MNAT1: variants seen among roughly 807,000 people sequenced by gnomAD.
MNAT1 encodes MNAT1 component of CDK activating kinase, also known as CDK-activating kinase assembly factor MAT1.
In MNAT1, 43 loss-of-function variants were observed where a neutral mutation model predicts 42.0. That is an observed-to-expected ratio of 1.02 (90% CI 0.80 to 1.32). The LOEUF (loss-of-function observed/expected upper bound fraction) is 1.32. Among genes scored for constraint, MNAT1 ranks in the 40% most tolerant of loss-of-function variants. The pLI is 0.00. For synonymous variants in MNAT1, 118 were observed against 120.0 expected, an observed-to-expected ratio of 0.98 and a Z score of 0.11; for missense variants, 306 against 350.4, an observed-to-expected ratio of 0.87 and a Z score of 1.01.
At chr14:60,917,817 G>A (rs1383410021) in intron 7 of MNAT1, among the ~76,000 whole-genome samples, 3 of 151,780 alleles carry the variant, frequency 2.0e-5, no homozygotes, top group East Asian at 1.9e-4. Context: ...AGAGACGGAC[G>A]GAGTTTCACC....
chr14:60,860,656 CT>C (rs1445319214), intron 6 of MNAT1, among the ~76,000 whole-genome samples: 2 of 151,678 alleles, frequency 1.3e-5, no homozygotes, highest in African/African-American at 2.4e-5. Flanking sequence ...CCAGCTGAGA[CT>C]TTTTTTTAAA....
chr14:60,843,509 A>G (rs1430844323), intron 6 of MNAT1, among the ~76,000 whole-genome samples: 1 of 151,918 alleles, frequency 6.6e-6, no homozygotes, highest in East Asian at 1.9e-4. Flanking sequence ...TGACCTCGTG[A>G]TCCGCCTGTC....
chr14:60,900,234 C>A (rs1440315903), intron 7 of MNAT1, among the ~76,000 whole-genome samples: 1 of 152,132 alleles, frequency 6.6e-6, no homozygotes, highest in Non-Finnish European at 1.5e-5. Context: ...GCTTAGTGAG[C>A]AAGATATGTC....
chr14:60,917,362 T>C (rs2035544352), intron 7 of MNAT1, among the ~76,000 whole-genome samples: 1 of 152,198 alleles, frequency 6.6e-6, no homozygotes, highest in Non-Finnish European at 1.5e-5. Context: ...ATTAAATAAT[T>C]TTACATTGTT....
intron 7 of MNAT1, 71 bp from the exon 8 acceptor site, chr14:60,968,158 A>T: frequency 1.7e-6 from 2 of 1,147,232 alleles, no homozygotes; most frequent in Non-Finnish European, 2.6e-6. Context: ...CAGTTTTACT[A>T]TTGCTTTTTA....
At chr14:60,857,190 A>G (rs1432366926) in intron 6 of MNAT1, among the ~76,000 whole-genome samples, 1 of 152,206 alleles carries the variant, frequency 6.6e-6, no homozygotes, top group Non-Finnish European at 1.5e-5. Context: ...CTGATCACTC[A>G]AGAGCTCTGA....
intron 7 of MNAT1, among the ~76,000 whole-genome samples, chr14:60,890,484 G>T (rs1156785646): frequency 6.6e-6 from 1 of 152,122 alleles, no homozygotes; most frequent in Admixed American, 6.6e-5. Flanking sequence ...ACGGAGTATT[G>T]ACTCACACGA....
chr14:60,949,046 T>C (rs1195484645), intron 7 of MNAT1, among the ~76,000 whole-genome samples: 1 of 152,206 alleles, frequency 6.6e-6, no homozygotes, highest in African/African-American at 2.4e-5. Context: ...TTTTTAATAA[T>C]CACATGTAGA....
chr14:60,805,400 T>C (rs1039663441), intron 3 of MNAT1, among the ~76,000 whole-genome samples: 6 of 152,184 alleles, frequency 3.9e-5, no homozygotes, highest in Non-Finnish European at 7.4e-5. Context: ...TGAACCTACA[T>C]TGAGATATCA....
At chr14:60,852,321 A>G (rs1184144098) in intron 6 of MNAT1, among the ~76,000 whole-genome samples, 2 of 152,144 alleles carry the variant, frequency 1.3e-5, no homozygotes, top group Non-Finnish European at 2.9e-5. Context: ...TTGGCTGCAT[A>G]AATGTCTTGT....
At chr14:60,818,515 C>T (rs2032784139) in intron 5 of MNAT1, among the ~76,000 whole-genome samples, 1 of 151,870 alleles carries the variant, frequency 6.6e-6, no homozygotes, top group African/African-American at 2.4e-5. Flanking sequence ...TATAAAAATA[C>T]TTGTTTGCAG....
intron 7 of MNAT1, among the ~76,000 whole-genome samples, chr14:60,901,902 A>G (rs973343797): frequency 6.6e-6 from 1 of 152,252 alleles, no homozygotes; most frequent in African/African-American, 2.4e-5. Context: ...CAAAAGATTT[A>G]GAATATTATA....
chr14:60,913,416 T>A (rs926643084), intron 7 of MNAT1, among the ~76,000 whole-genome samples: 3 of 152,148 alleles, frequency 2.0e-5, no homozygotes, highest in Non-Finnish European at 4.4e-5. Context: ...ATTTTTAGAG[T>A]TTCCAGTTTT....
At chr14:60,943,926 T>C (rs1441000472) in intron 7 of MNAT1, among the ~76,000 whole-genome samples, 2 of 152,222 alleles carry the variant, frequency 1.3e-5, no homozygotes, top group Non-Finnish European at 2.9e-5. Flanking sequence ...AGCTGCATTA[T>C]CATAGAATTC....
At chr14:60,916,491 CA>C (rs1263541170) in intron 7 of MNAT1, among the ~76,000 whole-genome samples, 1 of 152,010 alleles carries the variant, frequency 6.6e-6, no homozygotes, top group Non-Finnish European at 1.5e-5. Flanking sequence ...CTCGTCTTTA[CA>C]AAAAATGTAA....
At chr14:60,762,502 C>G (rs1029087982) in intron 1 of MNAT1, among the ~76,000 whole-genome samples, 1 of 151,810 alleles carries the variant, frequency 6.6e-6, no homozygotes, top group African/African-American at 2.4e-5. Context: ...CCACTAATGT[C>G]ATCTCTACTA....
chr14:60,869,575 T>A (rs1197482618), intron 6 of MNAT1, among the ~76,000 whole-genome samples: 1 of 152,088 alleles, frequency 6.6e-6, no homozygotes, highest in African/African-American at 2.4e-5. Flanking sequence ...TTAAGCAAGA[T>A]AGATCAATTA....
intron 1 of MNAT1, among the ~76,000 whole-genome samples, chr14:60,765,988 T>A (rs1185944337): frequency 6.6e-6 from 1 of 152,196 alleles, no homozygotes; most frequent in African/African-American, 2.4e-5. Context: ...AAATTTTAAC[T>A]TTCTAATTTC....
chr14:60,762,705 CAAAAAAAAAAA>C (rs33957783), intron 1 of MNAT1, among the ~76,000 whole-genome samples: 21 of 94,804 alleles, frequency 2.2e-4, no homozygotes, highest in Non-Finnish European at 7.7e-5. Flanking sequence ...GACTCTGTCT[CAAAAAAAAAAA>C]AAAAAAAAAG....
Sources: allele counts gnomAD v4.1 joint callset (sites outside exome capture counted in the v4.1 genomes callset), GRCh38; gene constraint gnomAD v4.1.1; transcripts MANE v1.5; gene names NCBI Gene and HGNC (gene_info 2026-07-23, HGNC 2026-07-21).